Variants in THRAP3 observed in about 807,000 individuals in gnomAD.
THRAP3 encodes the protein thyroid hormone receptor associated protein 3, also known as thyroid hormone receptor-associated protein 3.
In THRAP3, 16 loss-of-function variants were observed where a neutral mutation model predicts 101.0. That is an observed-to-expected ratio of 0.16 (90% confidence interval 0.11 to 0.24). The LOEUF (loss-of-function observed/expected upper bound fraction) is 0.24. Among genes scored for constraint, THRAP3 ranks in the 10% least tolerant of loss-of-function variants. THRAP3 has a pLI of 1.00. For synonymous variants in THRAP3, 407 were observed against 422.6 expected, an observed-to-expected ratio of 0.96 and a Z score of 0.45; for missense variants, 989 against 1,202.7, an observed-to-expected ratio of 0.82 and a Z score of 2.63.
intron 4 of THRAP3, 75 bp from the exon 5 acceptor site, chr1:36,288,985 A>G (rs923395238): frequency 2.8e-5 from 40 of 1,405,866 alleles, no homozygotes; most frequent in Non-Finnish European, 3.4e-5. Flanking sequence ...TCAAAAACCA[A>G]AAACGGTAAG....
upstream of THRAP3, among the ~76,000 whole-genome samples, chr1:36,221,545 A>G (rs1644902957): frequency 6.6e-6 from 1 of 152,126 alleles, no homozygotes; most frequent in Non-Finnish European, 1.5e-5. Flanking sequence ...TAAAAGCAAG[A>G]CCCTCCACCA....
intron 5 of THRAP3, among the ~76,000 whole-genome samples, chr1:36,290,372 G>A (rs1227978844): frequency 6.6e-6 from 1 of 151,986 alleles, no homozygotes; most frequent in African/African-American, 2.4e-5. Flanking sequence ...TGTATTTTTA[G>A]TAGAGATGGG....
intron 1 of THRAP3, among the ~76,000 whole-genome samples, chr1:36,232,581 C>T (rs929977425): frequency 1.3e-5 from 2 of 152,162 alleles, no homozygotes; most frequent in African/African-American, 2.4e-5. Context: ...AATGTTGAAT[C>T]TAGTCACTAC....
At chr1:36,222,396 G>A (rs574666740), upstream of THRAP3, among the ~76,000 whole-genome samples, 4 of 151,916 alleles carry the variant, frequency 2.6e-5, no homozygotes, top group Admixed American at 6.6e-5. Flanking sequence ...AGATATGCCT[G>A]TATTTCTTTT....
intron 8 of THRAP3, 116 bp downstream of exon 8, chr1:36,294,051 A>C: frequency 6.6e-7 from 1 of 1,506,006 alleles, no homozygotes; most frequent in Non-Finnish European, 8.9e-7. Flanking sequence ...TCTTTTAAGG[A>C]TGGGCATAAT....
At chr1:36,292,462 G>A in intron 6 of THRAP3, 136 bp from the exon 7 acceptor site, 1 of 570,274 alleles carries the variant, frequency 1.8e-6, no homozygotes, top group Admixed American at 2.8e-5. Context: ...AGTAGAGACG[G>A]GGTTTCACCG....
At chr1:36,266,954 C>T (rs778961406) in intron 2 of THRAP3, among the ~76,000 whole-genome samples, 13 of 151,992 alleles carry the variant, frequency 8.6e-5, no homozygotes, top group Non-Finnish European at 1.8e-4. Context: ...GATCTTGGCT[C>T]ACTGCAGCCT....
At chr1:36,246,984 G>C (rs886372294) in intron 1 of THRAP3, among the ~76,000 whole-genome samples, 1 of 151,946 alleles carries the variant, frequency 6.6e-6, no homozygotes, top group Non-Finnish European at 1.5e-5. Flanking sequence ...AATATTGAGG[G>C]CTTCAGTTTT....
Position 36,303,832 on chromosome 1 carries a change from GTGAGCC to G in THRAP3, c.2684_2689del (p.Val895_Arg897delinsGly), listed in dbSNP as rs1399675530. The G allele has an allele frequency of 3.7e-6, 6 of 1,614,060 alleles. No individual in the cohort carries two copies. The highest frequency in any genetic ancestry group is 5.1e-6 in the Non-Finnish European group (6 of 1,180,048). On this transcript the variant is annotated inframe_deletion, in exon 12 of 12. Transcript: ENST00000354618. ...TGAAGGCGAAGGCAGTGACAAGTGG[GTGAGCC>G]GGGGCCGGGGCCGAGGAGCCTTTCC... is the stretch of plus-strand genomic sequence containing the variant.
chr1:36,284,030 T>C (rs554958673), intron 3 of THRAP3, among the ~76,000 whole-genome samples: 3 of 152,340 alleles, frequency 2.0e-5, no homozygotes, highest in Admixed American at 2.0e-4. Flanking sequence ...TTAGGGAGTT[T>C]AAACCTCAGT....
At chr1:36,213,997 GGAAAGAA>G in the THRAP3 span, among the ~76,000 whole-genome samples, 1 of 81,010 alleles carries the variant, frequency 1.2e-5, no homozygotes, top group Non-Finnish European at 2.5e-5. Flanking sequence ...AAGAAAGAAA[GGAAAGAA>G]AGAAAGAAAG....
the THRAP3 span, among the ~76,000 whole-genome samples, chr1:36,210,084 T>C: frequency 6.6e-6 from 1 of 152,036 alleles, no homozygotes; most frequent in East Asian, 1.9e-4. Flanking sequence ...AACTTCTTTT[T>C]GGCCGGGCGC....
At chr1:36,276,802 A>G (rs573299103) in intron 2 of THRAP3, among the ~76,000 whole-genome samples, 1 of 152,072 alleles carries the variant, frequency 6.6e-6, no homozygotes, top group Non-Finnish European at 1.5e-5. Context: ...GGCTGCAGTG[A>G]GCCGAGATCA....
At chr1:36,298,474 C>T (rs80106048) in intron 9 of THRAP3, among the ~76,000 whole-genome samples, 1,998 of 152,200 alleles carry the variant, frequency 0.013, 23 homozygotes, top group African/African-American at 0.034. Flanking sequence ...CTGCAAACCC[C>T]GGTATTCTGT....
chr1:36,237,194 A>G (rs1645100436), intron 1 of THRAP3, among the ~76,000 whole-genome samples: 1 of 151,910 alleles, frequency 6.6e-6, no homozygotes, highest in African/African-American at 2.4e-5. Flanking sequence ...GGGGCCGGGC[A>G]TGGTGGCTCA....
rs1388193806 is a variant in THRAP3, at chr1:36,303,787, T to C, written c.2647-9T>C. The C allele has an allele frequency of 6.2e-7, 1 of 1,613,888 alleles. No homozygotes were observed. Reference sequence around the variant, plus strand: ...CTCTGGCACTGATGGCAATTTTCTTTCCCCTCAGCATGATGACCGTGAAGG... The same window carrying C: ...CTCTGGCACTGATGGCAATTTTCTTCCCCCTCAGCATGATGACCGTGAAGG... On this transcript the variant is annotated splice_polypyrimidine_tract_variant and intron_variant, in intron 11 of 11. Transcript: ENST00000354618.
At position 36,282,670 on chromosome 1, in the gene THRAP3, C is replaced by A; in HGVS notation, c.107C>A (p.Ser36Tyr). Residue 36 changes from serine to tyrosine, a missense_variant, in exon 3 of 12, where the codon TCT becomes TAT. Transcript: ENST00000354618. ...SFSKSRSRSR[S>Y]LSRSRKRRLS... Reference sequence around the variant, plus strand: ...TCGAAGTCTCGGTCCCGAAGCCGATCTCTCTCTCGTTCAAGGAAGCGCAGG... The same window carrying A: ...TCGAAGTCTCGGTCCCGAAGCCGATATCTCTCTCGTTCAAGGAAGCGCAGG... 6.2e-7 allele frequency: 1 copy of A among 1,614,048 alleles called. No homozygotes were observed. Among genetic ancestry groups the A allele is most frequent in the South Asian group, 1.1e-5 (1 of 91,076 alleles).
At chr1:36,295,597 C>T (rs1426529065) in intron 8 of THRAP3, among the ~76,000 whole-genome samples, 1 of 151,818 alleles carries the variant, frequency 6.6e-6, no homozygotes, top group Admixed American at 6.6e-5. Context: ...TCCTTCCTCC[C>T]TCCCTTCCTT....
At chr1:36,263,321 A>G (rs1645472379) in intron 2 of THRAP3, among the ~76,000 whole-genome samples, 1 of 152,052 alleles carries the variant, frequency 6.6e-6, no homozygotes, top group Non-Finnish European at 1.5e-5. Flanking sequence ...GCTGGTCTCA[A>G]ACTCTTGGGC....
Sources: gnomAD v4.1 joint callset for allele counts (sites outside exome capture counted in the v4.1 genomes callset) on GRCh38, gnomAD v4.1.1 for gene constraint, MANE v1.5 for transcripts, NCBI Gene and HGNC (gene_info 2026-07-23, HGNC 2026-07-21) for gene names.